SLC24A3: variants seen among roughly 807,000 people sequenced by gnomAD.
The protein encoded by SLC24A3 is solute carrier family 24 member 3.
A neutral mutation model predicts 75.8 loss-of-function variants in SLC24A3; 28 were observed. The ratio of observed to expected loss-of-function variants is 0.37; its 90% confidence interval spans 0.27 to 0.51. The LOEUF (loss-of-function observed/expected upper bound fraction) is 0.51, where lower values mean the gene tolerates loss of function less well. SLC24A3 is among the 20% of genes least tolerant of loss of function. The pLI, the probability that SLC24A3 is intolerant of heterozygous loss-of-function variation, is 0.94. For missense variants in SLC24A3, 663 were observed against 847.8 expected, an observed-to-expected ratio of 0.78 and a Z score of 2.71; for synonymous variants, 372 against 334.1, an observed-to-expected ratio of 1.11 and a Z score of -1.24.
chr20:19,515,640 G>T, intron 3 of SLC24A3, 76 bp downstream of exon 3: 1 of 1,442,678 alleles, frequency 6.9e-7, no homozygotes, highest in Non-Finnish European at 9.7e-7. Context: ...CACCTGAGGT[G>T]CCCCCAGTAG....
At chr20:19,331,379 G>C (rs991716144) in intron 2 of SLC24A3, among the ~76,000 whole-genome samples, 2 of 152,138 alleles carry the variant, frequency 1.3e-5, no homozygotes, top group African/African-American at 4.8e-5. Context: ...CAGATAGGTA[G>C]GTAGGTAGGT....
chr20:19,428,696 C>T (rs1243212287), intron 2 of SLC24A3, among the ~76,000 whole-genome samples: 1 of 152,136 alleles, frequency 6.6e-6, no homozygotes. Flanking sequence ...ATTGTAGTTC[C>T]GAGTTCTTAC....
chr20:19,285,635 C>T (rs1209996600), intron 2 of SLC24A3, among the ~76,000 whole-genome samples: 1 of 150,884 alleles, frequency 6.6e-6, no homozygotes, highest in African/African-American at 2.4e-5. Flanking sequence ...GCAATTGTTC[C>T]AGCTCTCTGT....
intron 6 of SLC24A3, among the ~76,000 whole-genome samples, chr20:19,600,901 TC>T (rs1401965365): frequency 6.6e-6 from 1 of 152,062 alleles, no homozygotes; most frequent in Non-Finnish European, 1.5e-5. Context: ...CCTCAAGTGA[TC>T]CCCCCACTTC....
chr20:19,597,972 C>G (rs6081674), intron 6 of SLC24A3, among the ~76,000 whole-genome samples: 69,702 of 152,004 alleles, frequency 0.46, 17,097 homozygotes, highest in African/African-American at 0.63. Context: ...CTCATCCATT[C>G]GTGGAGACTT....
intron 2 of SLC24A3, among the ~76,000 whole-genome samples, chr20:19,371,323 G>A (rs1985989343): frequency 6.6e-6 from 1 of 152,036 alleles, no homozygotes; most frequent in Admixed American, 6.5e-5. Context: ...GAGTGGAGAG[G>A]GCAGGCCCTG....
At chr20:19,527,471 G>T (rs1225829739) in intron 3 of SLC24A3, among the ~76,000 whole-genome samples, 7 of 152,124 alleles carry the variant, frequency 4.6e-5, no homozygotes, top group Non-Finnish European at 8.8e-5. Flanking sequence ...GGCTCTGGGG[G>T]TTTCATCAGT....
chr20:19,436,710 T>G (rs898894587), intron 2 of SLC24A3, among the ~76,000 whole-genome samples: 1 of 152,188 alleles, frequency 6.6e-6, no homozygotes, highest in Non-Finnish European at 1.5e-5. Flanking sequence ...ACATCTCAGC[T>G]TCTAGGGATA....
intron 2 of SLC24A3, among the ~76,000 whole-genome samples, chr20:19,321,462 CAT>C (rs1459567363): frequency 1.3e-5 from 2 of 152,098 alleles, no homozygotes; most frequent in Non-Finnish European, 2.9e-5. Flanking sequence ...ACAGTGAAAA[CAT>C]GTGAAGGAAA....
rs578101047 is a variant in SLC24A3, at chr20:19,546,399, C to T, written c.348+30835C>T. 5.3e-5 allele frequency among the ~76,000 whole-genome samples: 8 copies of T among 152,238 alleles called. No individual in the cohort carries two copies. In the South Asian group the frequency reaches 1.7e-3, roughly 32 times the overall value. ...CCTGTGACACCGAAATCCTTTCCTT[C>T]CTTCTCCCATCTTTTAAAGTAATAG... On this transcript the variant is annotated intron_variant, in intron 3 of 16. Transcript: ENST00000328041.
At chr20:19,434,630 T>G (rs921509882) in intron 2 of SLC24A3, among the ~76,000 whole-genome samples, 1 of 152,226 alleles carries the variant, frequency 6.6e-6, no homozygotes, top group Non-Finnish European at 1.5e-5. Flanking sequence ...CATTCTCTTT[T>G]TTTCTCTACA....
At chr20:19,331,856 A>T (rs1985007050) in intron 2 of SLC24A3, among the ~76,000 whole-genome samples, 1 of 152,226 alleles carries the variant, frequency 6.6e-6, no homozygotes, top group Admixed American at 6.5e-5. Flanking sequence ...GGGAATGAGG[A>T]ATAGGTCGTG....
chr20:19,500,391 G>C (rs769804707), intron 2 of SLC24A3, among the ~76,000 whole-genome samples: 1 of 152,104 alleles, frequency 6.6e-6, no homozygotes. Context: ...CAGCTCTTTT[G>C]CTTCTCTCCT....
intron 3 of SLC24A3, 97 bp downstream of exon 3, chr20:19,515,661 C>A: frequency 3.3e-6 from 4 of 1,196,142 alleles, no homozygotes; most frequent in Non-Finnish European, 4.9e-6. Context: ...ATTCTCTCTG[C>A]CCTCCTGTTC....
chr20:19,622,420 C>A (rs919831851), intron 6 of SLC24A3, among the ~76,000 whole-genome samples: 15 of 152,094 alleles, frequency 9.9e-5, no homozygotes, highest in Admixed American at 6.5e-5. Context: ...AGTGATAGTT[C>A]TCTGCTTGTC....
chr20:19,640,198 A>C (rs1272121600), intron 6 of SLC24A3, among the ~76,000 whole-genome samples: 1 of 152,256 alleles, frequency 6.6e-6, no homozygotes, highest in Non-Finnish European at 1.5e-5. Context: ...GTCACCTCTC[A>C]GTAGCGGTAA....
intron 2 of SLC24A3, among the ~76,000 whole-genome samples, chr20:19,286,563 A>G (rs1983824322): frequency 6.6e-6 from 1 of 152,178 alleles, no homozygotes; most frequent in South Asian, 2.1e-4. Flanking sequence ...CAGAGGGGAT[A>G]AACAACCGCC....
chr20:19,538,524 T>C (rs573907262), intron 3 of SLC24A3, among the ~76,000 whole-genome samples: 2 of 152,342 alleles, frequency 1.3e-5, no homozygotes, highest in East Asian at 3.9e-4. Flanking sequence ...GAAAAGTTGT[T>C]TGACTTCCTT....
At chr20:19,426,406 AT>A (rs1987007259) in intron 2 of SLC24A3, among the ~76,000 whole-genome samples, 2 of 152,194 alleles carry the variant, frequency 1.3e-5, no homozygotes, top group Admixed American at 6.5e-5. Flanking sequence ...TAAATATATT[AT>A]TTGTGGTTAG....
Sources: allele counts gnomAD v4.1 joint callset (sites outside exome capture counted in the v4.1 genomes callset), GRCh38; gene constraint gnomAD v4.1.1; transcripts MANE v1.5; gene names NCBI Gene and HGNC (gene_info 2026-07-23, HGNC 2026-07-21).